Variants in ANKS1B observed in about 807,000 individuals in gnomAD.
ANKS1B encodes ankyrin repeat and sterile alpha motif domain containing 1B, also known as ankyrin repeat and sterile alpha motif domain-containing protein 1B.
Under a neutral mutation model 148.3 loss-of-function variants are expected in ANKS1B, and 36 were observed. That is an observed-to-expected ratio of 0.24 (90% CI 0.19 to 0.32). ANKS1B has a LOEUF of 0.32. ANKS1B is among the 10% of genes least tolerant of loss of function. The pLI is 1.00. For missense variants in ANKS1B, 1,157 were observed against 1,542.6 expected, an observed-to-expected ratio of 0.75 and a Z score of 4.19; for synonymous variants, 542 against 560.8, an observed-to-expected ratio of 0.97 and a Z score of 0.47.
At chr12:99,756,559 G>T (rs1567788064) in intron 8 of ANKS1B, among the ~76,000 whole-genome samples, 1 of 151,710 alleles carries the variant, frequency 6.6e-6, no homozygotes, top group Non-Finnish European at 1.5e-5. Flanking sequence ...GACTCTTCAA[G>T]AACTAGAAAA....
rs191422860 is a variant in ANKS1B at position 99,851,213 on chromosome 12, T to C, written c.135-25824A>G. ...AAATCACTATGTTGGTTAGGTTTCC[T>C]GTGGCAGGAATATTTAAAACAATTT... On this transcript the variant is annotated intron_variant, in intron 1 of 26. Coordinates refer to ENST00000683438, the MANE Select transcript of ANKS1B (RefSeq NM_001352186.2). 6.6e-5 allele frequency among the ~76,000 whole-genome samples: 10 copies of C among 152,240 alleles called. No homozygotes were observed. The East Asian group carries it at 1.9e-3, about 29-fold the overall frequency.
intron 17 of ANKS1B, among the ~76,000 whole-genome samples, chr12:98,968,814 C>G (rs1344070930): frequency 1.3e-5 from 2 of 151,992 alleles, no homozygotes; most frequent in Non-Finnish European, 2.9e-5. Context: ...GCTTTCCAGA[C>G]CAGGAAAAAA....
chr12:99,674,811 A>G (rs1392471238), intron 8 of ANKS1B, among the ~76,000 whole-genome samples: 1 of 151,876 alleles, frequency 6.6e-6, no homozygotes, highest in Non-Finnish European at 1.5e-5. Context: ...GTATTTGAAC[A>G]TTAATACTAA....
intron 12 of ANKS1B, among the ~76,000 whole-genome samples, chr12:99,380,064 TC>T: frequency 6.6e-6 from 1 of 152,340 alleles, no homozygotes; most frequent in East Asian, 1.9e-4. Context: ...CTTGTTCTCA[TC>T]GGCATTGATA....
At chr12:99,276,422 T>A (rs1488111225) in intron 12 of ANKS1B, among the ~76,000 whole-genome samples, 3 of 152,138 alleles carry the variant, frequency 2.0e-5, no homozygotes, top group Non-Finnish European at 4.4e-5. Flanking sequence ...CCCAATTCAG[T>A]ATTACTGATG....
In ANKS1B at chr12:99,404,493, T is replaced by A. The variant is rs186614195; in HGVS notation, c.1576-4682A>T. Among the ~76,000 whole-genome samples the A allele has an allele frequency of 1.7e-3, 243 of 145,512 alleles. 22 individuals are homozygous for A. The highest frequency in any genetic ancestry group is 0.014 in the Admixed American group (207 of 14,656). On this transcript the variant is annotated intron_variant, in intron 11 of 26. Coordinates refer to ENST00000683438, the MANE Select transcript of ANKS1B (RefSeq NM_001352186.2). ...AAGCAGAAATTCTGGAGCTGAAAAATGCAACTGGTATACTGAAGAATGCAT... is the reference window on the plus strand; with the variant it reads ...AAGCAGAAATTCTGGAGCTGAAAAAAGCAACTGGTATACTGAAGAATGCAT...
chr12:99,385,204 C>T (rs907077234), intron 12 of ANKS1B, among the ~76,000 whole-genome samples: 4 of 152,186 alleles, frequency 2.6e-5, no homozygotes, highest in African/African-American at 9.7e-5. Flanking sequence ...TGTAGTGGCT[C>T]ACGCCTGTAA....
intron 17 of ANKS1B, among the ~76,000 whole-genome samples, chr12:98,992,633 T>C (rs1288698657): frequency 6.6e-6 from 1 of 152,210 alleles, no homozygotes; most frequent in East Asian, 1.9e-4. Flanking sequence ...ATTAAACGTC[T>C]TTCCTTTATA....
chr12:99,578,746 T>C (rs1296385615), intron 9 of ANKS1B, among the ~76,000 whole-genome samples: 1 of 152,088 alleles, frequency 6.6e-6, no homozygotes, highest in African/African-American at 2.4e-5. Flanking sequence ...ATAGGAAGAA[T>C]CAATATCATT....
At chr12:99,063,928 ACT>A (rs1253127495) in intron 16 of ANKS1B, among the ~76,000 whole-genome samples, 3 of 152,268 alleles carry the variant, frequency 2.0e-5, no homozygotes, top group South Asian at 2.1e-4. Flanking sequence ...TTACAATTAG[ACT>A]CTGTTATGGA....
At chr12:99,155,613 T>G (rs1036569619) in intron 14 of ANKS1B, among the ~76,000 whole-genome samples, 6 of 152,136 alleles carry the variant, frequency 3.9e-5, no homozygotes, top group African/African-American at 1.4e-4. Flanking sequence ...TGTGTGAGTT[T>G]TACTGAATGG....
chr12:99,196,681 A>G (rs1418283024), intron 14 of ANKS1B, among the ~76,000 whole-genome samples: 1 of 151,654 alleles, frequency 6.6e-6, no homozygotes, highest in African/African-American at 2.4e-5. Flanking sequence ...TGTGCAGGAT[A>G]GTTACATATG....
chr12:99,116,519 T>C (rs2061459911), intron 15 of ANKS1B, among the ~76,000 whole-genome samples: 1 of 152,212 alleles, frequency 6.6e-6, no homozygotes, highest in African/African-American at 2.4e-5. Context: ...TGACTATTAC[T>C]GTTACATAAA....
intron 14 of ANKS1B, chr12:99,154,863 T>C: frequency 6.5e-7 from 1 of 1,533,758 alleles, no homozygotes; most frequent in Non-Finnish European, 8.7e-7. Context: ...TCCCCTTCAT[T>C]ACCCAGCCCA....
intron 9 of ANKS1B, among the ~76,000 whole-genome samples, chr12:99,507,827 T>TA (rs869230967): frequency 2.0e-5 from 3 of 151,846 alleles, no homozygotes; most frequent in Non-Finnish European, 2.9e-5. Context: ...ATAATTTTTT[T>TA]AAAAAAATGG....
chr12:99,388,243 C>A (rs1187138032), intron 12 of ANKS1B, among the ~76,000 whole-genome samples: 1 of 152,158 alleles, frequency 6.6e-6, no homozygotes, highest in Non-Finnish European at 1.5e-5. Context: ...TGGATGATCC[C>A]TAATATAGTC....
chr12:99,499,550 G>A (rs1171494267), intron 10 of ANKS1B, among the ~76,000 whole-genome samples: 2 of 152,068 alleles, frequency 1.3e-5, no homozygotes, highest in South Asian at 2.1e-4. Context: ...TTAAATGTAG[G>A]CAGGCTTTTG....
intron 16 of ANKS1B, 38 bp from the exon 17 acceptor site, chr12:99,053,347 A>G (rs759964725): frequency 3.4e-6 from 5 of 1,481,196 alleles, no homozygotes; most frequent in Non-Finnish European, 4.5e-6. Flanking sequence ...TAAACTGTAT[A>G]CTTTGTGTCC....
At chr12:99,543,178 TTC>T (rs1486965082) in intron 9 of ANKS1B, among the ~76,000 whole-genome samples, 1 of 151,988 alleles carries the variant, frequency 6.6e-6, no homozygotes, top group African/African-American at 2.4e-5. Flanking sequence ...GAATAAGTAT[TTC>T]TCTAAAGAAG....
Sources: gnomAD v4.1 joint callset for allele counts (sites outside exome capture counted in the v4.1 genomes callset) on GRCh38, gnomAD v4.1.1 for gene constraint, MANE v1.5 for transcripts, NCBI Gene and HGNC (gene_info 2026-07-23, HGNC 2026-07-21) for gene names.